The following ABR variants were observed in gnomAD, a reference collection of about 807,000 sequenced individuals.
ABR encodes ABR activator of RhoGEF and GTPase.
Under a neutral mutation model 107.2 loss-of-function variants are expected in ABR, and 35 were observed. That is an observed-to-expected ratio of 0.33 (90% CI 0.25 to 0.43). ABR has a LOEUF of 0.43. Among genes scored for constraint, ABR ranks in the 20% least tolerant of loss-of-function variants. ABR has a pLI of 1.00. For synonymous variants in ABR, 498 were observed against 462.0 expected (o/e 1.08, Z -1.00); for missense variants, 815 against 1,115.2 (o/e 0.73, Z 3.83).
chr17:1,173,922 TCTC>T (rs1249809970), intron 1 of ABR, among the ~76,000 whole-genome samples: 2 of 151,810 alleles, frequency 1.3e-5, no homozygotes, highest in African/African-American at 4.8e-5. Context: ...GCTCAATAGC[TCTC>T]CTCACCTTCA....
intron 10 of ABR, among the ~76,000 whole-genome samples, chr17:1,066,244 A>G (rs1419137886): frequency 6.6e-6 from 1 of 152,178 alleles, no homozygotes; most frequent in Non-Finnish European, 1.5e-5. Context: ...CTTGTATGCT[A>G]TCAACTTGCA....
intron 1 of ABR, among the ~76,000 whole-genome samples, chr17:1,172,532 C>T (rs1567856592): frequency 1.3e-5 from 2 of 152,086 alleles, no homozygotes; most frequent in Non-Finnish European, 2.9e-5. Flanking sequence ...GGGTGGATCA[C>T]GAGGTCACGA....
chr17:1,091,650 C>T lies in ABR; in HGVS notation c.531+15G>A, dbSNP rs772362550. ...GAGGCCCTGCGTGAGGACCCTCCAT[C>T]CCTGGCAGACTCACCAGCTTCTGGA... On this transcript the variant is annotated intron_variant, in intron 4 of 22. Transcript: ENST00000302538. The T allele has an allele frequency of 6.2e-7, 1 of 1,609,108 alleles. No homozygotes were observed.
intron 16 of ABR, among the ~76,000 whole-genome samples, chr17:1,039,908 G>A (rs1000567541): frequency 6.6e-6 from 1 of 152,182 alleles, no homozygotes; most frequent in Admixed American, 6.5e-5. Context: ...GGTGTCCCAC[G>A]ACAGGGAGCT....
intron 2 of ABR, chr17:1,108,993 A>C: frequency 1.9e-6 from 3 of 1,598,118 alleles, no homozygotes; most frequent in Non-Finnish European, 2.6e-6. Context: ...CCCAGCTCGC[A>C]CTCCTCCAGG....
rs367595556 is a variant in ABR at position 1,208,747 on chromosome 17, G to T, written c.838+20046C>A. On this transcript the variant is annotated intron_variant, in intron 1 of 22. Coordinates refer to the ABR transcript ENST00000574139. Reference sequence around the variant, plus strand: ...ACTAAAAATACAAAAAATTAGCCGGGTGTGGTGGCGGGCGCCTGTAGTCCC... The same window carrying T: ...ACTAAAAATACAAAAAATTAGCCGGTTGTGGTGGCGGGCGCCTGTAGTCCC... Among the ~76,000 whole-genome samples the T allele has an allele frequency of 8.5e-5, 13 of 152,230 alleles. No homozygotes were observed. The South Asian group carries it at 1.5e-3, about 17-fold the overall frequency.
intron 2 of ABR, among the ~76,000 whole-genome samples, chr17:1,114,943 G>A (rs979192665): frequency 2.0e-5 from 3 of 152,204 alleles, no homozygotes; most frequent in Non-Finnish European, 4.4e-5. Flanking sequence ...ACCAGAGACT[G>A]CAATGAGCAA....
chr17:1,179,574 T>C lies in ABR; in HGVS notation c.61+93A>G, dbSNP rs2042048139. ...CCCGGTGCCTGGGTCCCGATCCCGA[T>C]CTTGGGGTCCCGATCCCGATCCTGG... On this transcript the variant is annotated intron_variant, in intron 1 of 22. Transcript: ENST00000302538. This position sits in a 1 kb window ranked among gnomAD's most constrained non-coding sequence, Gnocchi z 4.9. 7.7e-7 allele frequency: 1 copy of C among 1,290,670 alleles called. No homozygotes were observed. The highest frequency in any genetic ancestry group is 1.0e-6 in the Non-Finnish European group (1 of 986,400). 80.0% of individuals were successfully genotyped at this position (1,290,670 alleles called of 1,614,324 possible). A position where few individuals can be genotyped will look rare whatever the true frequency, so the allele number is the denominator to read the frequency against.
chr17:1,105,729 C>T (rs1027134107), intron 2 of ABR, among the ~76,000 whole-genome samples: 3 of 151,892 alleles, frequency 2.0e-5, no homozygotes, highest in Admixed American at 2.0e-4. Flanking sequence ...AAAAATTAGC[C>T]CAACGTGGTG....
rs953477555 is a variant in ABR, at chr17:1,108,790, G to A, written c.247-8055C>T. On this transcript the variant is annotated intron_variant, in intron 2 of 22. Coordinates refer to ENST00000302538, the MANE Select transcript of ABR (RefSeq NM_021962.5). ...GGAGGCAGGCCCGCCCCTCTCCCCC[G>A]GGAACAGCTGCCGGGGCCGGGACCC... is the stretch of plus-strand genomic sequence containing the variant. 7.5e-6 allele frequency: 8 copies of A among 1,072,460 alleles called. No individual in the cohort carries two copies. In the East Asian group the frequency reaches 1.6e-4, roughly 22 times the overall value. The allele number at this position is 1,072,460 out of a possible 1,614,324, so 66.4% of individuals were successfully genotyped here.
intron 2 of ABR, among the ~76,000 whole-genome samples, chr17:1,123,020 C>T (rs550104649): frequency 6.6e-5 from 10 of 152,322 alleles, no homozygotes; most frequent in Admixed American, 1.3e-4. Context: ...ACAGCCAAGC[C>T]GCAGAAACCT....
At chr17:1,136,858 T>C (rs1351197691) in intron 1 of ABR, among the ~76,000 whole-genome samples, 2 of 152,186 alleles carry the variant, frequency 1.3e-5, no homozygotes, top group Non-Finnish European at 2.9e-5. Flanking sequence ...CTGTTTCCCT[T>C]ATCATTCTTG....
At chr17:1,090,879 A>G (rs2036977445) in intron 4 of ABR, among the ~76,000 whole-genome samples, 1 of 152,174 alleles carries the variant, frequency 6.6e-6, no homozygotes, top group African/African-American at 2.4e-5. Flanking sequence ...GACGTTACGT[A>G]GCAGAGGTGG....
intron 2 of ABR, among the ~76,000 whole-genome samples, chr17:1,111,986 C>T (rs1398396775): frequency 5.9e-5 from 9 of 152,312 alleles, no homozygotes; most frequent in South Asian, 4.1e-4. Flanking sequence ...TTAGTGCGGC[C>T]GCCATCTTAC....
intron 2 of ABR, among the ~76,000 whole-genome samples, chr17:1,121,091 G>A (rs781258687): frequency 6.6e-6 from 1 of 152,242 alleles, no homozygotes; most frequent in Non-Finnish European, 1.5e-5. Context: ...TGGCCCTGCC[G>A]TGCTGCCCTG....
intron 16 of ABR, among the ~76,000 whole-genome samples, chr17:1,024,925 G>T (rs1423444922): frequency 4.6e-5 from 7 of 151,888 alleles, no homozygotes; most frequent in Non-Finnish European, 8.8e-5. Context: ...TTCAAGACCA[G>T]CCTGGCTAAC....
At chr17:1,047,724 C>T (rs2031844381) in intron 16 of ABR, among the ~76,000 whole-genome samples, 1 of 152,212 alleles carries the variant, frequency 6.6e-6, no homozygotes, top group African/African-American at 2.4e-5. Context: ...TTCTGCTTTG[C>T]CAAACATAAC....
At chr17:1,074,210 G>A (rs180941366) in intron 6 of ABR, among the ~76,000 whole-genome samples, 84 of 125,140 alleles carry the variant, frequency 6.7e-4, no homozygotes, top group South Asian at 1.0e-3. Context: ...CCACACGCAG[G>A]ACCCCAGAAT....
At chr17:1,079,430 C>A in intron 5 of ABR, 40 bp from the exon 6 acceptor site, 1 of 1,571,164 alleles carries the variant, frequency 6.4e-7, no homozygotes, top group Admixed American at 1.7e-5. Context: ...TGTTCTGTCC[C>A]TCACCTCTCC....
Sources: gnomAD v4.1 joint callset for allele counts (sites outside exome capture counted in the v4.1 genomes callset) on GRCh38, gnomAD v4.1.1 for gene constraint, Gnocchi (gnomAD v3.1) non-coding constraint, MANE v1.5 for transcripts, NCBI Gene and HGNC (gene_info 2026-07-23, HGNC 2026-07-21) for gene names.